LPCAT2: variants seen among roughly 807,000 people sequenced by gnomAD.
The protein encoded by LPCAT2 is 1-AGP acyltransferase 11.
In LPCAT2, 58 loss-of-function variants were observed where a neutral mutation model predicts 64.7. That is an observed-to-expected ratio of 0.90 (90% CI 0.73 to 1.12). LPCAT2 has a LOEUF of 1.12. Ranked by LOEUF, LPCAT2 falls within the 50% of genes most tolerant of loss-of-function variation. The pLI is 0.00. For synonymous variants in LPCAT2, 252 were observed against 245.3 expected, an observed-to-expected ratio of 1.03 and a Z score of -0.26; for missense variants, 579 against 669.8, an observed-to-expected ratio of 0.86 and a Z score of 1.50.
At chr16:55,567,144 G>T in intron 11 of LPCAT2, 1 of 1,613,888 alleles carries the variant, frequency 6.2e-7, no homozygotes, top group Non-Finnish European at 8.5e-7. Flanking sequence ...CATTGTGTCT[G>T]TCATGGACAG....
At chr16:55,573,716 C>T (rs1470503940) in intron 11 of LPCAT2, among the ~76,000 whole-genome samples, 2 of 152,078 alleles carry the variant, frequency 1.3e-5, no homozygotes, top group Non-Finnish European at 2.9e-5. Flanking sequence ...TACCCTCCCT[C>T]CACCTCTTTA....
rs781384746 is a variant in LPCAT2 at position 55,567,436 on chromosome 16, A to T, written c.1216-7195A>T. 1.9e-6 allele frequency: 3 copies of T among 1,613,812 alleles called. No homozygotes were observed. The South Asian group carries it at 3.3e-5, about 18-fold the overall frequency. ...ATGTTTCGTGCCTTCAAGTCTCTGGATAGAGATAGAGATGGCCTGATTCAA... is the reference window on the plus strand; with the variant it reads ...ATGTTTCGTGCCTTCAAGTCTCTGGTTAGAGATAGAGATGGCCTGATTCAA... On this transcript the variant is annotated intron_variant, in intron 11 of 13. Transcript: ENST00000262134.
At chr16:55,542,021 G>C (rs1963404313) in intron 8 of LPCAT2, 1 of 1,105,548 alleles carries the variant, frequency 9.0e-7, no homozygotes, top group Non-Finnish European at 1.2e-6. Flanking sequence ...ATTGATTATA[G>C]TGTCATAATT....
Position 55,509,194 on chromosome 16 carries a change from G to A in LPCAT2, c.13G>A (p.Ala5Thr). The A allele has an allele frequency of 1.4e-6, 2 of 1,402,452 alleles. No individual in the cohort carries two copies. Among genetic ancestry groups the A allele is most frequent in the Non-Finnish European group, 1.9e-6 (2 of 1,072,978 alleles). 86.9% of individuals were successfully genotyped at this position (1,402,452 alleles called of 1,614,324 possible). A position where few individuals can be genotyped will look rare whatever the true frequency, so the allele number is the denominator to read the frequency against. ...GCCCGGCTCAACTATGAGCCGGTGCGCCCAGGCGGCGGAAGTGGCGGCCAC... is the reference window on the plus strand; with the variant it reads ...GCCCGGCTCAACTATGAGCCGGTGCACCCAGGCGGCGGAAGTGGCGGCCAC... MSRC[A>T]QAAEVAATVP... is the part of the protein sequence containing the mutation. Residue 5 changes from alanine (A) to threonine (T), a missense_variant, in exon 1 of 14, where the codon GCC (alanine) becomes ACC (threonine). By Grantham distance (58) the Ala-to-Thr change is moderately conservative. Coordinates refer to ENST00000262134, the MANE Select transcript of LPCAT2 (RefSeq NM_017839.5).
chr16:55,514,194 T>A (rs1289083011), intron 1 of LPCAT2, among the ~76,000 whole-genome samples: 1 of 152,094 alleles, frequency 6.6e-6, no homozygotes, highest in African/African-American at 2.4e-5. Context: ...TTTGACATAT[T>A]CCTAGGAATC....
intron 8 of LPCAT2, among the ~76,000 whole-genome samples, chr16:55,545,243 A>G (rs1452519111): frequency 1.3e-5 from 2 of 152,234 alleles, no homozygotes; most frequent in Non-Finnish European, 2.9e-5. Context: ...AAGCAGAATA[A>G]ATGACAAAAC....
At chr16:55,581,729 C>G (rs1346844888) in intron 13 of LPCAT2, among the ~76,000 whole-genome samples, 1 of 152,162 alleles carries the variant, frequency 6.6e-6, no homozygotes, top group Non-Finnish European at 1.5e-5. Flanking sequence ...GCTATCTTTG[C>G]TCTAATAAGC....
intron 8 of LPCAT2, among the ~76,000 whole-genome samples, chr16:55,542,878 A>G (rs151055762): frequency 1.6e-4 from 25 of 152,294 alleles, no homozygotes; most frequent in African/African-American, 5.8e-4. Context: ...CTGTGGCAAG[A>G]TGTCAAGTGA....
intron 1 of LPCAT2, among the ~76,000 whole-genome samples, chr16:55,514,933 T>TTCAC: frequency 6.7e-6 from 1 of 149,868 alleles, no homozygotes; most frequent in African/African-American, 2.5e-5. Context: ...TGTGTGTGTA[T>TTCAC]TCACTAGAGG....
chr16:55,528,655 A>C, intron 3 of LPCAT2, 61 bp downstream of exon 3: 1 of 1,255,548 alleles, frequency 8.0e-7, no homozygotes, highest in Non-Finnish European at 1.1e-6. Context: ...AAATTAAAAT[A>C]ATCATATATA....
intron 1 of LPCAT2, 49 bp downstream of exon 1, chr16:55,509,401 T>A: frequency 6.4e-5 from 52 of 806,314 alleles, no homozygotes; most frequent in Non-Finnish European, 8.1e-5. Context: ...GGGGCCTAGG[T>A]CAGAGGGGGG....
At chr16:55,510,725 C>T (rs1962920359) in intron 1 of LPCAT2, among the ~76,000 whole-genome samples, 1 of 152,126 alleles carries the variant, frequency 6.6e-6, no homozygotes, top group East Asian at 1.9e-4. Flanking sequence ...ATGTGATCCT[C>T]ATGTCTTTAA....
chr16:55,539,093 A>G (rs1275902797), intron 8 of LPCAT2: 1 of 152,148 alleles, frequency 6.6e-6, no homozygotes, highest in Non-Finnish European at 1.5e-5. Flanking sequence ...AGCTAAAACA[A>G]GATCTAGCAA....
intron 11 of LPCAT2, among the ~76,000 whole-genome samples, chr16:55,559,705 C>T (rs1427998119): frequency 1.3e-5 from 2 of 151,444 alleles, no homozygotes; most frequent in African/African-American, 4.9e-5. Context: ...CATTTTGATT[C>T]CAATCCCAGT....
chr16:55,566,678 TA>T, intron 11 of LPCAT2: 1 of 1,468,950 alleles, frequency 6.8e-7, no homozygotes, highest in Non-Finnish European at 9.1e-7. Flanking sequence ...CTTCCACATG[TA>T]AACTACTTGA....
At chr16:55,532,663 C>T (rs1963269508) in intron 5 of LPCAT2, 161 bp from the exon 6 acceptor site, 1 of 388,542 alleles carries the variant, frequency 2.6e-6, no homozygotes, top group South Asian at 5.7e-5. Context: ...AAAAATCCCT[C>T]ATTTTGGTAA....
At chr16:55,524,238 A>T (rs1287778315) in intron 1 of LPCAT2, among the ~76,000 whole-genome samples, 30 of 151,936 alleles carry the variant, frequency 2.0e-4, no homozygotes, top group Admixed American at 2.0e-3. Flanking sequence ...GTGAAATAAT[A>T]CTCTGCAATT....
chr16:55,550,123 T>A (rs552870510), intron 10 of LPCAT2, among the ~76,000 whole-genome samples: 7 of 152,364 alleles, frequency 4.6e-5, no homozygotes, highest in Non-Finnish European at 8.8e-5. Flanking sequence ...TAGAAAATAT[T>A]ATTTATATTG....
chr16:55,577,431 T>C (rs1217858284), intron 12 of LPCAT2, among the ~76,000 whole-genome samples: 1 of 152,156 alleles, frequency 6.6e-6, no homozygotes, highest in African/African-American at 2.4e-5. Context: ...GGATGCCCCC[T>C]GTACTACTTG....
Sources: gnomAD v4.1 joint callset for allele counts (sites outside exome capture counted in the v4.1 genomes callset) on GRCh38, gnomAD v4.1.1 for gene constraint, MANE v1.5 for transcripts, NCBI Gene and HGNC (gene_info 2026-07-23, HGNC 2026-07-21) for gene names.